EPSTI1: variants seen among roughly 807,000 people sequenced by gnomAD.
The protein encoded by EPSTI1 is epithelial-stromal interaction protein 1.
Under a neutral mutation model 49.9 loss-of-function variants are expected in EPSTI1, and 66 were observed. That is an observed-to-expected ratio of 1.32 (90% confidence interval 1.08 to 1.62). EPSTI1 has a LOEUF of 1.62. Among genes scored for constraint, EPSTI1 ranks in the 40% most tolerant of loss-of-function variants. The pLI is 0.00. For missense variants in EPSTI1, 394 were observed against 365.5 expected (o/e 1.08, Z -0.64); for synonymous variants, 137 against 130.7 (o/e 1.05, Z -0.33).
At chr13:42,895,625 T>C (rs750577183) in intron 9 of EPSTI1, among the ~76,000 whole-genome samples, 20 of 152,258 alleles carry the variant, frequency 1.3e-4, no homozygotes, top group Non-Finnish European at 1.5e-4. Flanking sequence ...ATTCTATTTC[T>C]GGAGCTTGCT....
chr13:42,920,475 G>A (rs938702328), intron 7 of EPSTI1, among the ~76,000 whole-genome samples: 10 of 152,264 alleles, frequency 6.6e-5, no homozygotes, highest in African/African-American at 2.4e-4. Context: ...CACCTATGGG[G>A]AGCCAGTTCT....
intron 7 of EPSTI1, among the ~76,000 whole-genome samples, chr13:42,919,970 T>C (rs76456822): frequency 0.019 from 2,834 of 152,276 alleles, 84 homozygotes; most frequent in African/African-American, 0.064. Context: ...GAGAAATATC[T>C]TTTCCAGGCT....
chr13:42,888,310 C>G lies in EPSTI1; in HGVS notation c.*184G>C. On this transcript the variant is annotated 3_prime_UTR_variant, in exon 11 of 11. Transcript: ENST00000313624. ...GATTAAATATGAGTTCAGGAATCAG[C>G]TCCTCCAAACATGCATAAATGAGGA... The G allele has an allele frequency of 6.2e-7, 1 of 1,606,524 alleles. No homozygotes were observed. Among genetic ancestry groups the G allele is most frequent in the Non-Finnish European group, 8.5e-7 (1 of 1,175,750 alleles).
chr13:42,936,150 A>G (rs939692110), intron 6 of EPSTI1, among the ~76,000 whole-genome samples: 1 of 152,088 alleles, frequency 6.6e-6, no homozygotes, highest in African/African-American at 2.4e-5. Context: ...ACTTATTCAT[A>G]TATTCTTTCT....
At chr13:42,988,288 A>G (rs1265290024) in intron 1 of EPSTI1, among the ~76,000 whole-genome samples, 1 of 152,238 alleles carries the variant, frequency 6.6e-6, no homozygotes, top group East Asian at 1.9e-4. Context: ...TTTACTTTGG[A>G]TTAGAAGTTT....
At chr13:42,902,850 G>A (rs754016215) in intron 8 of EPSTI1, among the ~76,000 whole-genome samples, 26 of 152,080 alleles carry the variant, frequency 1.7e-4, no homozygotes, top group East Asian at 5.8e-4. Context: ...ACATTTTCTC[G>A]TATCTAATAA....
At chr13:42,947,954 G>C (rs2038968702) in intron 6 of EPSTI1, among the ~76,000 whole-genome samples, 1 of 152,174 alleles carries the variant, frequency 6.6e-6, no homozygotes, top group East Asian at 1.9e-4. Flanking sequence ...CACCCAACTG[G>C]GACAGAGTGG....
At chr13:42,892,268 G>A (rs79040655) in intron 10 of EPSTI1, among the ~76,000 whole-genome samples, 9,835 of 152,280 alleles carry the variant, frequency 0.065, 388 homozygotes, top group Admixed American at 0.089. Context: ...GGAGGGGTAT[G>A]CAGAGTCAGA....
chr13:42,903,219 T>TG (rs2037409039), intron 8 of EPSTI1, among the ~76,000 whole-genome samples: 1 of 49,080 alleles, frequency 2.0e-5, no homozygotes, highest in Non-Finnish European at 9.8e-5. Flanking sequence ...CATGTTACTT[T>TG]AAAATTTTTA....
In EPSTI1 at chr13:42,957,842, G is replaced by A. The variant is rs142781059; in HGVS notation, c.490-3821C>T. The stretch of plus-strand genomic sequence containing the variant: ...GGCCCGCCTTAGCTCCCAAAGTGCT[G>A]GGATTGCAGGCATGAGCCACCATAC... On this transcript the variant is annotated intron_variant, in intron 5 of 10. Coordinates refer to ENST00000313624, the MANE Select transcript of EPSTI1 (RefSeq NM_033255.5). 2.7e-3 allele frequency among the ~76,000 whole-genome samples: 411 copies of A among 152,334 alleles called. 2 individuals carry two copies. The highest frequency in any genetic ancestry group is 9.4e-3 in the African/African-American group (391 of 41,574).
At chr13:42,937,809 T>G (rs2038614256) in intron 6 of EPSTI1, among the ~76,000 whole-genome samples, 1 of 152,184 alleles carries the variant, frequency 6.6e-6, no homozygotes, top group South Asian at 2.1e-4. Flanking sequence ...TGTTGATATT[T>G]TGACCTCCTC....
At chr13:42,894,955 T>C (rs2037147185) in intron 10 of EPSTI1, 54 bp downstream of exon 10, 1 of 1,455,788 alleles carries the variant, frequency 6.9e-7, no homozygotes, top group Non-Finnish European at 9.5e-7. Context: ...AAAATTCTCA[T>C]TGTTTTTATT....
intron 9 of EPSTI1, among the ~76,000 whole-genome samples, chr13:42,895,777 A>T (rs561526067): frequency 2.0e-5 from 3 of 152,242 alleles, no homozygotes; most frequent in Non-Finnish European, 4.4e-5. Context: ...GGCTGAGTAG[A>T]GTCAGGGACT....
At chr13:42,930,431 A>C (rs921272284) in intron 6 of EPSTI1, among the ~76,000 whole-genome samples, 40 of 152,342 alleles carry the variant, frequency 2.6e-4, no homozygotes, top group African/African-American at 9.4e-4. Flanking sequence ...GTATGAGCAA[A>C]TGACATTCAC....
At chr13:42,954,274 C>T (rs759806452) in intron 5 of EPSTI1, among the ~76,000 whole-genome samples, 3 of 152,124 alleles carry the variant, frequency 2.0e-5, no homozygotes, top group African/African-American at 7.2e-5. Flanking sequence ...CAGCATTTTG[C>T]GTTTTTATTC....
intron 1 of EPSTI1, among the ~76,000 whole-genome samples, chr13:42,983,697 T>A (rs1717238002): frequency 6.7e-6 from 1 of 148,514 alleles, no homozygotes; most frequent in Non-Finnish European, 1.5e-5. Context: ...GTTTGAATAC[T>A]GGTTCTGTCA....
intron 6 of EPSTI1, among the ~76,000 whole-genome samples, chr13:42,935,888 G>A (rs772638363): frequency 3.3e-5 from 5 of 152,038 alleles, no homozygotes; most frequent in Admixed American, 6.5e-5. Context: ...CACCATGCCC[G>A]GCCCACTCAT....
chr13:42,931,811 C>T (rs1351291832), intron 6 of EPSTI1, among the ~76,000 whole-genome samples: 1 of 152,074 alleles, frequency 6.6e-6, no homozygotes, highest in Admixed American at 6.6e-5. Context: ...GGATATAATA[C>T]ATTTAACATT....
At chr13:42,959,619 T>G (rs2039382607) in intron 5 of EPSTI1, among the ~76,000 whole-genome samples, 1 of 152,352 alleles carries the variant, frequency 6.6e-6, no homozygotes, top group South Asian at 2.1e-4. Flanking sequence ...CGTATAGCAT[T>G]AAAACTAACT....
Sources: allele counts gnomAD v4.1 joint callset (sites outside exome capture counted in the v4.1 genomes callset), GRCh38; gene constraint gnomAD v4.1.1; transcripts MANE v1.5; gene names NCBI Gene and HGNC (gene_info 2026-07-23, HGNC 2026-07-21).